The following FGF1 variants were observed in gnomAD, a reference collection of about 807,000 sequenced individuals.
FGF1 encodes fibroblast growth factor 1.
FGF1 carries 9 observed loss-of-function variants against 13.4 expected under a neutral mutation model. That is an observed-to-expected ratio of 0.67 (90% confidence interval 0.40 to 1.17). FGF1 has a LOEUF of 1.17. Among genes scored for constraint, FGF1 ranks in the 50% most tolerant of loss-of-function variants. FGF1 has a pLI of 0.01. For synonymous variants in FGF1, 93 were observed against 79.0 expected (o/e 1.18, Z -0.94); for missense variants, 156 against 192.7 (o/e 0.81, Z 1.13).
chr5:142,651,805 AT>A (rs1767298511), intron 1 of FGF1, among the ~76,000 whole-genome samples: 1 of 147,442 alleles, frequency 6.8e-6, no homozygotes, highest in Non-Finnish European at 1.5e-5. Context: ...ATTCCTCCAT[AT>A]ATTTTTTGTG....
intron 1 of FGF1, among the ~76,000 whole-genome samples, chr5:142,647,142 T>C (rs1766313481): frequency 6.6e-6 from 1 of 152,210 alleles, no homozygotes; most frequent in South Asian, 2.1e-4. Context: ...CGATTATTTT[T>C]AGTTGAAGAC....
In FGF1 at chr5:142,620,903, A is replaced by T. The variant is rs6889838; in HGVS notation, c.-34-6742T>A. Among the ~76,000 whole-genome samples the T allele has an allele frequency of 5.7e-3, 871 of 152,332 alleles. 4 individuals carry two copies. Among genetic ancestry groups the T allele is most frequent in the African/African-American group, 0.02 (829 of 41,578 alleles). On this transcript the variant is annotated intron_variant, in intron 1 of 3. Coordinates refer to ENST00000337706, the MANE Select transcript of FGF1 (RefSeq NM_000800.5). ...TCATTCAGACTATTCTTTGGGCAGA[A>T]TAGAAATCACTCCCACCTGTTCAGT... is the stretch of plus-strand genomic sequence containing the variant.
intron 2 of FGF1, chr5:142,601,006 C>T (rs1023946729): frequency 1.6e-5 from 10 of 625,444 alleles, no homozygotes; most frequent in East Asian, 3.1e-5. Context: ...TTGGGAATTA[C>T]GTCCTTGGGA....
At chr5:142,634,892 A>T (rs1763991640) in intron 1 of FGF1, among the ~76,000 whole-genome samples, 1 of 148,718 alleles carries the variant, frequency 6.7e-6, no homozygotes. Context: ...TTTTTCCACG[A>T]CTCCTTGTAA....
Position 142,638,572 on chromosome 5 carries a change from T to G in FGF1, c.-34-24411A>C, listed in dbSNP as rs189243745. 2.0e-4 allele frequency among the ~76,000 whole-genome samples: 31 copies of G among 152,180 alleles called. No individual in the cohort carries two copies. The East Asian group carries it at 5.0e-3, about 25-fold the overall frequency. The stretch of plus-strand genomic sequence containing the variant: ...AAGTCTCACATGTAAGACCAGAGTT[T>G]GTAAATCTGCTAGAAGAAAACATAG... On this transcript the variant is annotated intron_variant, in intron 1 of 3. Coordinates refer to ENST00000337706, the MANE Select transcript of FGF1 (RefSeq NM_000800.5).
In FGF1 at chr5:142,595,325, T is replaced by C. The variant is rs769616526; in HGVS notation, c.433A>G (p.Ile145Val). 1.9e-6 allele frequency: 3 copies of C among 1,614,038 alleles called. No individual in the cohort carries two copies. The highest frequency in any genetic ancestry group is 1.7e-4 in the Middle Eastern group (1 of 6,054). ...GAGACTGGCAGGGGGAGAAACAAGA[T>C]TGCTTTCTGGCCATAGTGAGTCCGA... ...GPRTHYGQKA[I>V]LFLPLPVSSD Residue 145 changes from isoleucine (I) to valine (V), a missense_variant, in exon 4 of 4, where the codon ATC (isoleucine) becomes GTC (valine). Physicochemically the swap from Ile to Val is conservative, Grantham distance 29. Coordinates refer to ENST00000337706, the MANE Select transcript of FGF1 (RefSeq NM_000800.5).
chr5:142,643,538 C>T (rs1408384950), intron 1 of FGF1, among the ~76,000 whole-genome samples: 4 of 152,140 alleles, frequency 2.6e-5, no homozygotes, highest in Non-Finnish European at 4.4e-5. Flanking sequence ...GCTAAAGTTC[C>T]TCACTCAAGT....
At chr5:142,646,740 C>T (rs983142142) in intron 1 of FGF1, among the ~76,000 whole-genome samples, 85 of 152,150 alleles carry the variant, frequency 5.6e-4, no homozygotes, top group Non-Finnish European at 1.0e-3. Context: ...GATCTACCTG[C>T]CTTGGCCTCC....
At chr5:142,648,987 G>A (rs544187037) in intron 1 of FGF1, among the ~76,000 whole-genome samples, 1 of 152,166 alleles carries the variant, frequency 6.6e-6, no homozygotes, top group Non-Finnish European at 1.5e-5. Flanking sequence ...GAAACAAGGC[G>A]ACCAGGGGCG....
At chr5:142,640,880 G>T (rs1415006760) in intron 1 of FGF1, among the ~76,000 whole-genome samples, 1 of 151,930 alleles carries the variant, frequency 6.6e-6, no homozygotes, top group Admixed American at 6.6e-5. Flanking sequence ...TCAACTCCTC[G>T]AAGGCAGGGA....
At chr5:142,631,379 C>T (rs1432355023) in intron 1 of FGF1, among the ~76,000 whole-genome samples, 2 of 152,240 alleles carry the variant, frequency 1.3e-5, no homozygotes, top group Non-Finnish European at 2.9e-5. Context: ...AAAAATAGAC[C>T]GGACTTGACC....
chr5:142,674,870 A>G (rs1011154045), intron 1 of FGF1, among the ~76,000 whole-genome samples: 1 of 152,150 alleles, frequency 6.6e-6, no homozygotes, highest in Non-Finnish European at 1.5e-5. Context: ...GGGTCAGAAT[A>G]AGAGGGAGAG....
chr5:142,668,380 G>T (rs893822066), intron 1 of FGF1, among the ~76,000 whole-genome samples: 1 of 152,082 alleles, frequency 6.6e-6, no homozygotes, highest in African/African-American at 2.4e-5. Context: ...GGTCGCTAAA[G>T]CTCCCGCATT....
chr5:142,649,607 C>T (rs1037000859), intron 1 of FGF1, among the ~76,000 whole-genome samples: 1 of 151,788 alleles, frequency 6.6e-6, no homozygotes, highest in South Asian at 2.1e-4. Flanking sequence ...TGGGGTTTCT[C>T]CATGTTAGCC....
intron 1 of FGF1, among the ~76,000 whole-genome samples, chr5:142,685,013 A>T (rs985661915): frequency 1.3e-5 from 2 of 152,250 alleles, no homozygotes; most frequent in Non-Finnish European, 2.9e-5. Context: ...CTGCTGAGGC[A>T]GAGTGAGCCC....
At position 142,595,103 on chromosome 5, in the gene FGF1, T is replaced by G. The variant is rs1016901075; in HGVS notation, c.*187A>C. 5.4e-6 allele frequency: 3 copies of G among 555,886 alleles called. No individual in the cohort carries two copies. The African/African-American group carries it at 5.7e-5, about 11-fold the overall frequency. The allele number at this position is 555,886 out of a possible 1,614,324, so 34.4% of individuals were successfully genotyped here. A position where few individuals can be genotyped will look rare whatever the true frequency, so the allele number is the denominator to read the frequency against. The stretch of plus-strand genomic sequence containing the variant: ...TAGAAGCAATTTGGTCCCTCTGTTC[T>G]AAACTGTGCAGGGGTAAAAGGCTCT... On this transcript the variant is annotated 3_prime_UTR_variant, in exon 4 of 4. Coordinates refer to ENST00000337706, the MANE Select transcript of FGF1 (RefSeq NM_000800.5).
chr5:142,637,976 TG>T (rs1230520728), intron 1 of FGF1, among the ~76,000 whole-genome samples: 1 of 151,980 alleles, frequency 6.6e-6, no homozygotes, highest in African/African-American at 2.4e-5. Context: ...AGACCATCTG[TG>T]GGGGCTTCAT....
intron 1 of FGF1, among the ~76,000 whole-genome samples, chr5:142,669,534 A>C (rs1210991857): frequency 6.6e-6 from 1 of 151,910 alleles, no homozygotes; most frequent in Non-Finnish European, 1.5e-5. Context: ...AGGATTCTGC[A>C]AAGGAGTAAT....
intron 1 of FGF1, among the ~76,000 whole-genome samples, chr5:142,629,890 TA>T (rs1482417270): frequency 1.0e-3 from 99 of 99,106 alleles, no homozygotes; most frequent in African/African-American, 3.4e-3. Flanking sequence ...TATATATATA[TA>T]TATATTTTTT....
Sources: allele counts gnomAD v4.1 joint callset (sites outside exome capture counted in the v4.1 genomes callset), GRCh38; gene constraint gnomAD v4.1.1; transcripts MANE v1.5; gene names NCBI Gene and HGNC (gene_info 2026-07-23, HGNC 2026-07-21).